The following ZNF385B variants were observed in gnomAD, a reference collection of about 807,000 sequenced individuals.
ZNF385B encodes the protein zinc finger protein 533.
Under a neutral mutation model 39.2 loss-of-function variants are expected in ZNF385B, and 23 were observed. That is an observed-to-expected ratio of 0.59 (90% confidence interval 0.42 to 0.83). The LOEUF (loss-of-function observed/expected upper bound fraction) is 0.83. Among genes scored for constraint, ZNF385B ranks in the 40% least tolerant of loss-of-function variants. The probability of loss-of-function intolerance (pLI) is 0.00; values close to 1 mark genes in which losing one functional copy is unlikely to be tolerated. For missense variants in ZNF385B, 552 were observed against 598.9 expected (o/e 0.92, Z 0.82); for synonymous variants, 205 against 222.6 (o/e 0.92, Z 0.70).
chr2:179,646,890 C>A (rs1316920064), intron 3 of ZNF385B, among the ~76,000 whole-genome samples: 1 of 152,154 alleles, frequency 6.6e-6, no homozygotes, highest in African/African-American at 2.4e-5. Context: ...ATTTAATATG[C>A]AATCAGAGAC....
chr2:179,833,694 G>A (rs1708100227), intron 1 of ZNF385B, among the ~76,000 whole-genome samples: 1 of 151,878 alleles, frequency 6.6e-6, no homozygotes. Context: ...TTTTGAATCA[G>A]GTTAATGTTT....
At position 179,661,313 on chromosome 2, in the gene ZNF385B, G is replaced by T. The variant is rs140632399; in HGVS notation, c.298+108190C>A. Among the ~76,000 whole-genome samples, 61 of 152,254 alleles carry T rather than the reference G, an allele frequency of 4.0e-4. No homozygotes were observed. The East Asian group carries it at 0.011, about 27-fold the overall frequency. ...CCTATTTTTGCCATTATGAAATTCA[G>T]GCCTCTTGCATATTCAATAGATACA... is the stretch of plus-strand genomic sequence containing the variant. On this transcript the variant is annotated intron_variant, in intron 3 of 9. Coordinates refer to ENST00000410066, the MANE Select transcript of ZNF385B (RefSeq NM_152520.6).
At chr2:179,744,094 T>C (rs1287085920) in intron 3 of ZNF385B, among the ~76,000 whole-genome samples, 1 of 152,242 alleles carries the variant, frequency 6.6e-6, no homozygotes, top group East Asian at 1.9e-4. Flanking sequence ...TACAAATGTA[T>C]TGCAAAAAAT....
In ZNF385B at chr2:179,442,798, C is replaced by T. The variant is rs1335499605; in HGVS notation, c.*452G>A. 4.3e-6 allele frequency: 1 copy of T among 230,166 alleles called. No homozygotes were observed. Among genetic ancestry groups the T allele is most frequent in the Non-Finnish European group, 8.7e-6 (1 of 115,598 alleles). 14.3% of individuals were successfully genotyped at this position (230,166 alleles called of 1,614,324 possible). A position where few individuals can be genotyped will look rare whatever the true frequency, so the allele number is the denominator to read the frequency against. On this transcript the variant is annotated 3_prime_UTR_variant, in exon 10 of 10. Coordinates refer to ENST00000410066, the MANE Select transcript of ZNF385B (RefSeq NM_152520.6). ...GCACTTGTGTTCACTGTTTTTTGTTCCACACTAGAATACACCCAGTTGGAT... is the reference window on the plus strand; with the variant it reads ...GCACTTGTGTTCACTGTTTTTTGTTTCACACTAGAATACACCCAGTTGGAT...
intron 3 of ZNF385B, among the ~76,000 whole-genome samples, chr2:179,573,041 T>C (rs1685409843): frequency 6.6e-6 from 1 of 152,216 alleles, no homozygotes. Context: ...TTTTCAGATA[T>C]TTCAAATCTT....
intron 3 of ZNF385B, among the ~76,000 whole-genome samples, chr2:179,677,797 T>C (rs1697042484): frequency 6.6e-6 from 1 of 152,170 alleles, no homozygotes. Context: ...TTTTTCCCCG[T>C]CCACTTCACA....
intron 5 of ZNF385B, among the ~76,000 whole-genome samples, chr2:179,508,948 C>CT (rs370767751): frequency 0.1 from 14,433 of 138,676 alleles, 979 homozygotes; most frequent in South Asian, 0.17. Flanking sequence ...ATCATAATCA[C>CT]TTTTTTTTTT....
At chr2:179,450,344 A>G (rs1166638102) in intron 6 of ZNF385B, among the ~76,000 whole-genome samples, 2 of 152,236 alleles carry the variant, frequency 1.3e-5, no homozygotes, top group South Asian at 4.1e-4. Context: ...AATATTTGCA[A>G]CCTACTCATC....
intron 6 of ZNF385B, among the ~76,000 whole-genome samples, chr2:179,470,669 C>T (rs1448011504): frequency 1.3e-5 from 2 of 152,132 alleles, no homozygotes; most frequent in Non-Finnish European, 2.9e-5. Context: ...AGTTTTGATT[C>T]ATGGGAAAAA....
At chr2:179,658,385 A>G (rs537162674) in intron 3 of ZNF385B, among the ~76,000 whole-genome samples, 13 of 152,346 alleles carry the variant, frequency 8.5e-5, no homozygotes, top group African/African-American at 3.1e-4. Flanking sequence ...TTACACAGGT[A>G]TACAGTGTTG....
chr2:179,445,498 C>T (rs2049381126), intron 8 of ZNF385B, 52 bp downstream of exon 8: 3 of 1,532,738 alleles, frequency 2.0e-6, no homozygotes, highest in Non-Finnish European at 2.6e-6. Context: ...AGAAGATACA[C>T]AGTCAAGTGG....
At chr2:179,632,868 G>A (rs1045979086) in intron 3 of ZNF385B, among the ~76,000 whole-genome samples, 10 of 152,080 alleles carry the variant, frequency 6.6e-5, no homozygotes, top group Non-Finnish European at 1.3e-4. Context: ...TGATAAAGGG[G>A]ATATCACCAC....
intron 6 of ZNF385B, among the ~76,000 whole-genome samples, chr2:179,482,270 C>T (rs895698637): frequency 6.6e-6 from 1 of 152,192 alleles, no homozygotes; most frequent in African/African-American, 2.4e-5. Flanking sequence ...TTCAAAAATT[C>T]TCCAATGATT....
chr2:179,725,220 G>A (rs1049513192), intron 3 of ZNF385B, among the ~76,000 whole-genome samples: 1 of 152,016 alleles, frequency 6.6e-6, no homozygotes, highest in Non-Finnish European at 1.5e-5. Flanking sequence ...GTTCAATCAA[G>A]TAATCTAATT....
intron 5 of ZNF385B, among the ~76,000 whole-genome samples, chr2:179,513,810 A>G (rs1225833869): frequency 6.6e-6 from 1 of 152,192 alleles, no homozygotes; most frequent in Non-Finnish European, 1.5e-5. Flanking sequence ...GGAGTTCAGT[A>G]AATGCTTAGG....
intron 1 of ZNF385B, among the ~76,000 whole-genome samples, chr2:179,836,490 C>T (rs929936152): frequency 6.8e-6 from 1 of 148,070 alleles, no homozygotes; most frequent in Non-Finnish European, 1.5e-5. Context: ...TTCAAGATAT[C>T]TGAATCAAGG....
At chr2:179,493,615 A>ATG (rs1202794174) in intron 5 of ZNF385B, among the ~76,000 whole-genome samples, 48 of 97,792 alleles carry the variant, frequency 4.9e-4, no homozygotes, top group East Asian at 2.5e-3. Context: ...ATATGTACGT[A>ATG]CATATATGTA....
chr2:179,519,330 GTTAA>G (rs1199456204), intron 4 of ZNF385B, among the ~76,000 whole-genome samples: 2 of 152,164 alleles, frequency 1.3e-5, no homozygotes, highest in African/African-American at 4.8e-5. Flanking sequence ...AAAATAATTT[GTTAA>G]CTTTCATGTG....
Position 179,745,942 on chromosome 2 carries a change from G to A in ZNF385B, c.298+23561C>T, listed in dbSNP as rs1018148000. 2.0e-5 allele frequency: 25 copies of A among 1,231,932 alleles called. No individual in the cohort carries two copies. The South Asian group carries it at 4.2e-4, about 21-fold the overall frequency. The allele number at this position is 1,231,932 out of a possible 1,614,324, so 76.3% of individuals were successfully genotyped here. A position where few individuals can be genotyped will look rare whatever the true frequency, so the allele number is the denominator to read the frequency against. On this transcript the variant is annotated intron_variant, in intron 3 of 9. Transcript: ENST00000410066. ...GCTCATTGAAAATCCTTTACATGCT[G>A]GCAACATTTTAGGGAAGGACAAGCA...
Sources: gnomAD v4.1 joint callset for allele counts (sites outside exome capture counted in the v4.1 genomes callset) on GRCh38, gnomAD v4.1.1 for gene constraint, MANE v1.5 for transcripts, NCBI Gene and HGNC (gene_info 2026-07-23, HGNC 2026-07-21) for gene names.